CALN1: variants seen among roughly 807,000 people sequenced by gnomAD.
The protein encoded by CALN1 is calneuron 1, also known as calcium-binding protein 8.
CALN1 carries 17 observed loss-of-function variants against 30.6 expected under a neutral mutation model. The observed-to-expected ratio is 0.56, with a 90% CI of 0.38 to 0.83. The LOEUF (loss-of-function observed/expected upper bound fraction) is 0.83, where lower values mean the gene tolerates loss of function less well. Ranked by LOEUF, CALN1 falls within the 40% of genes least tolerant of loss-of-function variation. The probability of loss-of-function intolerance (pLI) is 0.00; values close to 1 mark genes in which losing one functional copy is unlikely to be tolerated. For missense variants in CALN1, 291 were observed against 354.9 expected (o/e 0.82, Z 1.45); for synonymous variants, 156 against 131.4 (o/e 1.19, Z -1.28).
chr7:71,944,114 A>G (rs1054905163), intron 5 of CALN1, among the ~76,000 whole-genome samples: 2 of 152,070 alleles, frequency 1.3e-5, no homozygotes, highest in Non-Finnish European at 2.9e-5. Flanking sequence ...CTTCCTTCTG[A>G]GAAGGAGCTC....
the CALN1 span, among the ~76,000 whole-genome samples, chr7:72,462,174 GTATGTATT>G: frequency 2.0e-5 from 3 of 151,722 alleles, no homozygotes; most frequent in African/African-American, 4.8e-5. Flanking sequence ...ATGTATGTAT[GTATGTATT>G]TATTTATTTA....
Position 71,963,131 on chromosome 7 carries a change from A to C in CALN1, c.501+60526T>G, listed in dbSNP as rs192614807. Among the ~76,000 whole-genome samples the C allele has an allele frequency of 3.7e-3, 566 of 152,194 alleles. 5 individuals are homozygous for C. Among genetic ancestry groups the C allele is most frequent in the African/African-American group, 0.013 (538 of 41,542 alleles). Reference sequence around the variant, plus strand: ...CACAAAATTAGGGTCACCTGTACTAAACAGTAAGCTCTAAGAAACTTTGTT... The same window carrying C: ...CACAAAATTAGGGTCACCTGTACTACACAGTAAGCTCTAAGAAACTTTGTT... On this transcript the variant is annotated intron_variant, in intron 5 of 6. Coordinates refer to ENST00000395275, the MANE Select transcript of CALN1 (RefSeq NM_031468.4).
chr7:72,024,560 G>C (rs1261800176), intron 4 of CALN1, among the ~76,000 whole-genome samples: 1 of 151,944 alleles, frequency 6.6e-6, no homozygotes. Context: ...CACCAAGCCT[G>C]GCTAATTTTT....
At chr7:72,333,708 A>G (rs200830954) in intron 2 of CALN1, among the ~76,000 whole-genome samples, 2,171 of 147,556 alleles carry the variant, frequency 0.015, 32 homozygotes, top group Middle Eastern at 0.043. Flanking sequence ...AAAAAAAAAA[A>G]GCTTACCATC....
chr7:72,270,909 C>T (rs1486719038), intron 3 of CALN1, among the ~76,000 whole-genome samples: 2 of 152,162 alleles, frequency 1.3e-5, no homozygotes, highest in Non-Finnish European at 2.9e-5. Flanking sequence ...AAGATCAGCT[C>T]CAGTGAATGC....
intron 5 of CALN1, among the ~76,000 whole-genome samples, chr7:71,950,636 G>A (rs541711578): frequency 6.6e-6 from 1 of 152,048 alleles, no homozygotes; most frequent in South Asian, 2.1e-4. Flanking sequence ...CCGATCCACA[G>A]AGCCACCCGA....
upstream of CALN1, among the ~76,000 whole-genome samples, chr7:72,412,538 T>C (rs924056725): frequency 2.6e-5 from 4 of 152,110 alleles, no homozygotes; most frequent in African/African-American, 9.7e-5. Flanking sequence ...AGAGCACCGA[T>C]TGGTGCATTT....
intron 3 of CALN1, among the ~76,000 whole-genome samples, chr7:72,108,087 C>A (rs529465547): frequency 6.6e-6 from 1 of 152,334 alleles, no homozygotes; most frequent in Non-Finnish European, 1.5e-5. Context: ...ATGATGTCAG[C>A]AGAGCTGTGC....
intron 3 of CALN1, among the ~76,000 whole-genome samples, chr7:72,201,611 A>G (rs1791424426): frequency 6.6e-6 from 1 of 152,062 alleles, no homozygotes; most frequent in Non-Finnish European, 1.5e-5. Flanking sequence ...GAAAAAAAAG[A>G]AAAAGAAAAA....
At chr7:72,260,705 A>T (rs1159136931) in intron 3 of CALN1, among the ~76,000 whole-genome samples, 2 of 151,994 alleles carry the variant, frequency 1.3e-5, no homozygotes, top group African/African-American at 4.8e-5. Context: ...GCACTTGGCT[A>T]TCTGAGGAGC....
intron 2 of CALN1, among the ~76,000 whole-genome samples, chr7:72,371,051 A>AAC (rs1321684775): frequency 6.6e-6 from 1 of 151,464 alleles, no homozygotes; most frequent in African/African-American, 2.4e-5. Context: ...AAGTCTCAAA[A>AAC]AAAAAAAAAA....
chr7:72,168,809 T>A (rs1046300035), intron 3 of CALN1, among the ~76,000 whole-genome samples: 52 of 144,772 alleles, frequency 3.6e-4, no homozygotes, highest in African/African-American at 1.2e-3. Flanking sequence ...ATTATTATTT[T>A]TTTTTTTTTT....
At chr7:71,982,089 T>C (rs1299392449) in intron 5 of CALN1, among the ~76,000 whole-genome samples, 1 of 152,164 alleles carries the variant, frequency 6.6e-6, no homozygotes, top group Admixed American at 6.5e-5. Context: ...CTATTCAGTA[T>C]GTGATTATCG....
Position 71,846,835 on chromosome 7 carries a change from A to ATG in CALN1, c.502-36345_502-36344dup, listed in dbSNP as rs370245344. Reference sequence around the variant, plus strand: ...TATATACATAAATATGTGTATATACATGTGTATATATTATATATGTATATA... The same window carrying ATG: ...TATATACATAAATATGTGTATATACATGTGTGTATATATTATATATGTATATA... On this transcript the variant is annotated intron_variant, in intron 5 of 6. Coordinates refer to ENST00000395275, the MANE Select transcript of CALN1 (RefSeq NM_031468.4). 5.4e-3 allele frequency among the ~76,000 whole-genome samples: 786 copies of ATG among 144,262 alleles called. 9 individuals are homozygous for ATG. The highest frequency in any genetic ancestry group is 0.014 in the African/African-American group (545 of 39,332). The allele number at this position is 144,262 out of a possible 152,430, so 94.6% of individuals were successfully genotyped here. A position where few individuals can be genotyped will look rare whatever the true frequency, so the allele number is the denominator to read the frequency against.
At chr7:72,408,727 A>G (rs1188529657) in intron 1 of CALN1, among the ~76,000 whole-genome samples, 1 of 115,030 alleles carries the variant, frequency 8.7e-6, no homozygotes. Flanking sequence ...CCCAGGTTGG[A>G]GTGCAGAGGC....
At chr7:72,320,214 G>C (rs1800776551) in intron 2 of CALN1, among the ~76,000 whole-genome samples, 1 of 152,174 alleles carries the variant, frequency 6.6e-6, no homozygotes, top group African/African-American at 2.4e-5. Context: ...GGAGGGCCAA[G>C]ATCAAGCCAA....
chr7:71,852,477 A>AAT (rs1790706223), intron 5 of CALN1, among the ~76,000 whole-genome samples: 1 of 151,418 alleles, frequency 6.6e-6, no homozygotes, highest in South Asian at 2.1e-4. Flanking sequence ...TCTCTAAAAA[A>AAT]AAAAAAAAAA....
chr7:71,916,218 T>C (rs918740912), intron 5 of CALN1, among the ~76,000 whole-genome samples: 4 of 152,000 alleles, frequency 2.6e-5, no homozygotes, highest in African/African-American at 7.3e-5. Context: ...TCTGAGTATA[T>C]ACTAGCGATA....
chr7:72,331,410 A>G (rs1465711087), intron 2 of CALN1, among the ~76,000 whole-genome samples: 1 of 152,184 alleles, frequency 6.6e-6, no homozygotes, highest in African/African-American at 2.4e-5. Context: ...TCCCAATCCC[A>G]GTGACTTTTC....
Sources: allele counts gnomAD v4.1 joint callset (sites outside exome capture counted in the v4.1 genomes callset), GRCh38; gene constraint gnomAD v4.1.1; transcripts MANE v1.5; gene names NCBI Gene and HGNC (gene_info 2026-07-23, HGNC 2026-07-21).